Variants in ZNF195 observed in about 807,000 individuals in gnomAD.
The protein encoded by ZNF195 is hypoxia-regulated factor-1.
Under a neutral mutation model 19.5 loss-of-function variants are expected in ZNF195, and 11 were observed. The observed-to-expected ratio is 0.57, with a 90% CI of 0.36 to 0.94. The LOEUF (loss-of-function observed/expected upper bound fraction) is 0.94. ZNF195 is among the 40% of genes least tolerant of loss of function. The pLI is 0.01. For missense variants in ZNF195, 582 were observed against 709.0 expected (o/e 0.82, Z 2.03); for synonymous variants, 214 against 248.1 (o/e 0.86, Z 1.29).
intron 3 of ZNF195, among the ~76,000 whole-genome samples, chr11:3,363,843 A>G (rs138786329): frequency 3.5e-4 from 54 of 152,380 alleles, no homozygotes; most frequent in African/African-American, 1.3e-3. Context: ...AACAGAATGT[A>G]GCACAGATTT....
chr11:3,366,073 C>G lies in ZNF195; in HGVS notation c.227-4184G>C, dbSNP rs1005714985. Among the ~76,000 whole-genome samples, 18 of 151,296 alleles carry G rather than the reference C, an allele frequency of 1.2e-4. No homozygotes were observed. The East Asian group carries it at 3.5e-3, about 29-fold the overall frequency. Reference sequence around the variant, plus strand: ...GAGATCGAGACCATCCTGGCCAACACGGTGAAACCCCATCTCTACTAAAAA... The same window carrying G: ...GAGATCGAGACCATCCTGGCCAACAGGGTGAAACCCCATCTCTACTAAAAA... On this transcript the variant is annotated intron_variant, in intron 3 of 5. Coordinates refer to ENST00000399602, the MANE Select transcript of ZNF195 (RefSeq NM_001130520.3).
Position 3,359,228 on chromosome 11 carries a change from T to G in ZNF195, c.1780A>C (p.Ile594Leu). The G allele has an allele frequency of 6.2e-7, 1 of 1,614,174 alleles. No homozygotes were observed. Among genetic ancestry groups the G allele is most frequent in the Non-Finnish European group, 8.5e-7 (1 of 1,180,012 alleles). ...GKNFTQSSNL[I>L]VHKRIHTGEK... The stretch of plus-strand genomic sequence containing the variant: ...CCAGTATGAATTCTCTTATGTACAA[T>G]AAGGTTTGAGGACTGGGTAAAGTTT... Residue 594 changes from isoleucine to leucine, a missense_variant, in exon 6 of 6, where the codon ATT becomes CTT. Ile to Leu is a conservative substitution (Grantham distance 5, BLOSUM62 2). Around this residue, in one of 3 missense-constraint regions of ZNF195, gnomAD observed 407 missense variants for 530.5 expected, o/e 0.77. Transcript: ENST00000399602. This position sits in a 1 kb window ranked among gnomAD's most constrained non-coding sequence, Gnocchi z 5.5.
chr11:3,378,215 CAGG>C (rs1309452874), intron 1 of ZNF195, among the ~76,000 whole-genome samples: 2 of 152,132 alleles, frequency 1.3e-5, no homozygotes, highest in East Asian at 3.9e-4. Flanking sequence ...GAGGCTGAGG[CAGG>C]AGAATTGATT....
At chr11:3,363,350 C>G (rs1162505343) in intron 3 of ZNF195, 1 of 152,194 alleles carries the variant, frequency 6.6e-6, no homozygotes, top group African/African-American at 2.4e-5. Context: ...AGGAGACACA[C>G]TCTTCCCAAG....
At chr11:3,368,371 C>T (rs1308189757) in intron 3 of ZNF195, among the ~76,000 whole-genome samples, 5 of 152,134 alleles carry the variant, frequency 3.3e-5, no homozygotes, top group Non-Finnish European at 7.3e-5. Context: ...TATTCAGGAC[C>T]TCGGGGTGAG....
chr11:3,361,543 T>G (rs1848633054), intron 4 of ZNF195, among the ~76,000 whole-genome samples, 200 bp downstream of exon 4: 1 of 151,066 alleles, frequency 6.6e-6, no homozygotes, highest in South Asian at 2.1e-4. Context: ...ACTGAGAAAC[T>G]GAGGTATGAA....
At chr11:3,361,372 T>C (rs1848626436) in intron 4 of ZNF195, among the ~76,000 whole-genome samples, 1 of 152,098 alleles carries the variant, frequency 6.6e-6, no homozygotes, top group African/African-American at 2.4e-5. Context: ...ATAAAAAAAG[T>C]TCAGAAATCA....
At chr11:3,378,972 G>A (rs1279578235) in intron 1 of ZNF195, 66 bp downstream of exon 1, 14 of 1,350,556 alleles carry the variant, frequency 1.0e-5, no homozygotes, top group South Asian at 3.6e-5. Flanking sequence ...GGTTCCTCCC[G>A]AGCCGGTACC....
intron 1 of ZNF195, among the ~76,000 whole-genome samples, chr11:3,376,383 A>G (rs765562438): frequency 2.0e-5 from 3 of 152,144 alleles, no homozygotes; most frequent in Admixed American, 6.5e-5. Flanking sequence ...AATAAAGTTT[A>G]CGAATTTGTG....
intron 3 of ZNF195, chr11:3,363,324 C>G (rs538177681): frequency 6.6e-6 from 1 of 152,118 alleles, no homozygotes; most frequent in African/African-American, 2.4e-5. Context: ...AGAGAGAACA[C>G]TCCACACAAC....
In ZNF195 at chr11:3,360,231, T is replaced by C. The variant is rs746852777; in HGVS notation, c.777A>G (p.Leu259=). The C allele has an allele frequency of 1.2e-5, 19 of 1,613,954 alleles. No individual in the cohort carries two copies. Among genetic ancestry groups the C allele is most frequent in the Non-Finnish European group, 1.4e-5 (17 of 1,180,024 alleles). The change falls in exon 6 of 6, where the codon CTA becomes CTG. Residue 259 remains leucine, a synonymous_variant. Coordinates refer to ENST00000399602, the MANE Select transcript of ZNF195 (RefSeq NM_001130520.3). ...CGKSFQMLSF[L]TEHQKIHTGK... ...CAGTGTGAATTTTCTGATGTTCAGT[T>C]AGGAATGAGAGCATTTGAAAGGATT... is the stretch of plus-strand genomic sequence containing the variant.
At chr11:3,371,798 T>C in intron 1 of ZNF195, 95 bp from the exon 2 acceptor site, 1 of 1,384,588 alleles carries the variant, frequency 7.2e-7, no homozygotes, top group South Asian at 1.4e-5. Flanking sequence ...TGACTGAAAT[T>C]ATACAATAAG....
chr11:3,370,854 C>A, intron 3 of ZNF195, 121 bp downstream of exon 3: 2 of 903,000 alleles, frequency 2.2e-6, no homozygotes, highest in Non-Finnish European at 3.5e-6. Context: ...GAAAGACACC[C>A]AGGCTCTCAG....
chr11:3,367,764 G>A (rs1395173382), intron 3 of ZNF195, among the ~76,000 whole-genome samples: 1 of 151,996 alleles, frequency 6.6e-6, no homozygotes, highest in African/African-American at 2.4e-5. Context: ...TGAAGAAATA[G>A]GATAATTTAA....
At position 3,362,751 on chromosome 11, in the gene ZNF195, T is replaced by A. The variant is rs1012424208; in HGVS notation, c.227-862A>T. 4 of 345,500 alleles carry A rather than the reference T, an allele frequency of 1.2e-5. No homozygotes were observed. In the Admixed American group the frequency reaches 1.8e-4, roughly 16 times the overall value. 21.4% of individuals were successfully genotyped at this position (345,500 alleles called of 1,614,324 possible). On this transcript the variant is annotated intron_variant, in intron 3 of 5. Coordinates refer to ENST00000399602, the MANE Select transcript of ZNF195 (RefSeq NM_001130520.3). Reference sequence around the variant, plus strand: ...AGTACATCTTTTCATTTCAGTAAATTGCTTATTTAGGAACTAAACTACTCA... The same window carrying A: ...AGTACATCTTTTCATTTCAGTAAATAGCTTATTTAGGAACTAAACTACTCA...
intron 3 of ZNF195, chr11:3,366,779 G>A (rs1030903140): frequency 9.8e-6 from 3 of 304,892 alleles, no homozygotes; most frequent in South Asian, 7.4e-5. Context: ...CATAGGCCGG[G>A]CACACTGGTT....
intron 1 of ZNF195, among the ~76,000 whole-genome samples, chr11:3,378,677 CTCTT>C (rs778248471): frequency 3.9e-5 from 6 of 152,238 alleles, no homozygotes; most frequent in South Asian, 2.1e-4. Flanking sequence ...TCAAATAAAA[CTCTT>C]TCACATTTTT....
At chr11:3,371,286 G>A in intron 2 of ZNF195, 1 of 655,110 alleles carries the variant, frequency 1.5e-6, no homozygotes, top group Non-Finnish European at 2.5e-6. Context: ...AATTGGTGGT[G>A]GAAATTTGAC....
At chr11:3,375,486 T>A (rs371516077) in intron 1 of ZNF195, 1 of 152,110 alleles carries the variant, frequency 6.6e-6, no homozygotes, top group African/African-American at 2.4e-5. Context: ...CAATATGACA[T>A]CAGAACTCAC....
Sources: allele counts gnomAD v4.1 joint callset (sites outside exome capture counted in the v4.1 genomes callset), GRCh38; gene constraint gnomAD v4.1.1; regional missense constraint gnomAD v4.1.1; non-coding constraint Gnocchi (gnomAD v3.1); transcripts MANE v1.5; gene names NCBI Gene and HGNC (gene_info 2026-07-23, HGNC 2026-07-21).